Variants in HIPK4 observed in about 807,000 individuals in gnomAD.
HIPK4 encodes homeodomain-interacting protein kinase 4.
HIPK4 carries 26 observed loss-of-function variants against 44.8 expected under a neutral mutation model. The ratio of observed to expected loss-of-function variants is 0.58; its 90% CI spans 0.43 to 0.80. The LOEUF (loss-of-function observed/expected upper bound fraction) is 0.80, where lower values mean the gene tolerates loss of function less well. Ranked by LOEUF, HIPK4 falls within the 30% of genes least tolerant of loss-of-function variation. The pLI is 0.00. For synonymous variants in HIPK4, 340 were observed against 355.5 expected (o/e 0.96, Z 0.49); for missense variants, 729 against 862.6 (o/e 0.85, Z 1.94).
At position 40,380,987 on chromosome 19, in the gene HIPK4, C is replaced by G; in HGVS notation, c.1004G>C (p.Arg335Pro). ...KRMLTWESHERISPSAALRHP... is the reference protein window; with the variant it reads ...KRMLTWESHEPISPSAALRHP... ...GCGCAGGGCAGCACTGGGGCTGATGCGTTCGTGTGACTCCCAGGTCAGCAT... is the reference window on the plus strand; with the variant it reads ...GCGCAGGGCAGCACTGGGGCTGATGGGTTCGTGTGACTCCCAGGTCAGCAT... Residue 335 changes from arginine to proline, a missense_variant, in exon 3 of 4, where the codon CGC (arginine) becomes CCC (proline). By Grantham distance (103) the Arg-to-Pro change is moderately radical (BLOSUM62 -2). This residue lies in a region of HIPK4 where 533 missense variants were observed against 567.5 expected (regional missense o/e 0.94). Transcript: ENST00000291823. The surrounding 1 kb of genome is among the most constrained non-coding windows in gnomAD (Gnocchi z 4.2). 6.2e-7 allele frequency: 1 copy of G among 1,613,020 alleles called. No individual in the cohort carries two copies. The highest frequency in any genetic ancestry group is 8.5e-7 in the Non-Finnish European group (1 of 1,180,008).
Position 40,383,781 on chromosome 19 carries a change from AC to A in HIPK4, c.822+1del. On this transcript the variant is annotated splice_donor_variant, in intron 2 of 3. Transcript: ENST00000291823. LOFTEE classifies it high-confidence loss of function. ...ACTGCCCTCACCCAACTTTTCCCTT[AC>A]CTTCGTCTCGGCCAGGTAGTCAGCC... 6.3e-7 allele frequency: 1 copy of A among 1,597,024 alleles called. No individual in the cohort carries two copies. The highest frequency in any genetic ancestry group is 8.6e-7 in the Non-Finnish European group (1 of 1,168,624).
At chr19:40,379,810 G>T (rs2079321776) in intron 3 of HIPK4, 41 bp from the exon 4 acceptor site, 3 of 1,578,262 alleles carry the variant, frequency 1.9e-6, no homozygotes, top group Non-Finnish European at 1.7e-6. Flanking sequence ...AGCAGTGTTA[G>T]TGTATTAGTG....
At position 40,380,705 on chromosome 19, in the gene HIPK4, A is replaced by G; in HGVS notation, c.1286T>C (p.Leu429Pro). ...AGCCTCCTGCAGACTCAGGTCATCC[A>G]GCTGGTCGATGGCTCTTTGCATACC... Reference protein sequence around the residue: ...APGMQRAIDQLDDLSLQEAGH... With the variant: ...APGMQRAIDQPDDLSLQEAGH... Residue 429 changes from leucine to proline, a missense_variant, in exon 3 of 4, where the codon CTG (leucine) becomes CCG (proline). Coordinates refer to ENST00000291823, the MANE Select transcript of HIPK4 (RefSeq NM_144685.5). This position sits in a 1 kb window ranked among gnomAD's most constrained non-coding sequence, Gnocchi z 4.2. 6.2e-7 allele frequency: 1 copy of G among 1,614,116 alleles called. No individual in the cohort carries two copies. Among genetic ancestry groups the G allele is most frequent in the South Asian group, 1.1e-5 (1 of 91,086 alleles).
rs2079325229 is a variant in HIPK4 at position 40,380,249 on chromosome 19, C to T, written c.1668+74G>A. 5 of 1,524,844 alleles carry T rather than the reference C, an allele frequency of 3.3e-6. No individual in the cohort carries two copies. Among genetic ancestry groups the T allele is most frequent in the Non-Finnish European group, 3.5e-6 (4 of 1,135,990 alleles). 94.5% of individuals were successfully genotyped at this position (1,524,844 alleles called of 1,614,324 possible). A position where few individuals can be genotyped will look rare whatever the true frequency, so the allele number is the denominator to read the frequency against. On this transcript the variant is annotated intron_variant, in intron 3 of 3. Coordinates refer to ENST00000291823, the MANE Select transcript of HIPK4 (RefSeq NM_144685.5). This position sits in a 1 kb window ranked among gnomAD's most constrained non-coding sequence, Gnocchi z 4.2. ...GTGTTGAGCCTCCTCACACACTAAT[C>T]ATATCCTGAGCACGGGTGAGTGTGT...
chr19:40,380,471 A>T lies in HIPK4; in HGVS notation c.1520T>A (p.Leu507Gln). 1 of 1,613,600 alleles carries T rather than the reference A, an allele frequency of 6.2e-7. No homozygotes were observed. Among genetic ancestry groups the T allele is most frequent in the Non-Finnish European group, 8.5e-7 (1 of 1,180,030 alleles). ...GTCATCCTCAGGCGAGACCTGGCTC[A>T]GCCGAATGAGGTTGCTGAAGTTGGA... ...SDSNFSNLIR[L>Q]SQVSPEDDRP... The change falls in exon 3 of 4, where the codon CTG becomes CAG. Residue 507 changes from leucine (L) to glutamine (Q), a missense_variant. Leu to Gln is a moderately radical substitution (Grantham distance 113). Transcript: ENST00000291823. The surrounding 1 kb of genome is among the most constrained non-coding windows in gnomAD (Gnocchi z 4.2).
rs71171565 is a variant in HIPK4, at chr19:40,384,612, G to GTT, written c.466-475_466-474dup. 5.9e-5 allele frequency among the ~76,000 whole-genome samples: 7 copies of GTT among 119,118 alleles called. No homozygotes were observed. The South Asian group carries it at 1.3e-3, about 23-fold the overall frequency. 78.1% of individuals were successfully genotyped at this position (119,118 alleles called of 152,430 possible). A position where few individuals can be genotyped will look rare whatever the true frequency, so the allele number is the denominator to read the frequency against. ...GAGCCACCGCACCCAGCCTTTGTTG[G>GTT]TTTTTTTTTTTTTTTTTGAGACCGA... On this transcript the variant is annotated intron_variant, in intron 1 of 3. Coordinates refer to ENST00000291823, the MANE Select transcript of HIPK4 (RefSeq NM_144685.5).
At chr19:40,386,439 G>A (rs1051517784) in intron 1 of HIPK4, among the ~76,000 whole-genome samples, 3 of 149,090 alleles carry the variant, frequency 2.0e-5, no homozygotes, top group Admixed American at 1.3e-4. Flanking sequence ...CTGTAGCCGC[G>A]AACTCCAGGG....
At chr19:40,384,429 G>C (rs1349064397) in intron 1 of HIPK4, among the ~76,000 whole-genome samples, 1 of 152,052 alleles carries the variant, frequency 6.6e-6, no homozygotes, top group Non-Finnish European at 1.5e-5. Flanking sequence ...TTAGCCTCCT[G>C]AGTAGCTGGG....
chr19:40,388,247 A>C (rs1461302112), intron 1 of HIPK4, among the ~76,000 whole-genome samples: 1 of 151,680 alleles, frequency 6.6e-6, no homozygotes, highest in Non-Finnish European at 1.5e-5. Flanking sequence ...TGAACTCCTG[A>C]CCTCAGGTGA....
chr19:40,384,933 C>G (rs73046355), intron 1 of HIPK4, among the ~76,000 whole-genome samples: 4 of 152,058 alleles, frequency 2.6e-5, no homozygotes, highest in Non-Finnish European at 4.4e-5. Flanking sequence ...TGTTAAGTCC[C>G]TATCTCTGTC....
At chr19:40,385,033 C>T (rs1025816564) in intron 1 of HIPK4, among the ~76,000 whole-genome samples, 8 of 152,206 alleles carry the variant, frequency 5.3e-5, no homozygotes, top group Non-Finnish European at 1.0e-4. Context: ...GGACCCTATT[C>T]TTCCTCTTGC....
intron 2 of HIPK4, among the ~76,000 whole-genome samples, chr19:40,381,573 T>C (rs1188003241): frequency 6.6e-6 from 1 of 152,110 alleles, no homozygotes; most frequent in Non-Finnish European, 1.5e-5. Flanking sequence ...TGTCACCCCC[T>C]GCTATTAAAC....
At chr19:40,381,784 CTTTTTTTTTTT>C (rs55780075) in intron 2 of HIPK4, among the ~76,000 whole-genome samples, 5 of 72,258 alleles carry the variant, frequency 6.9e-5, no homozygotes, top group South Asian at 5.1e-4. Context: ...CACTCAGATC[CTTTTTTTTTTT>C]TTTTTTTTTT....
chr19:40,387,648 T>G (rs2079369226), intron 1 of HIPK4, among the ~76,000 whole-genome samples: 1 of 151,914 alleles, frequency 6.6e-6, no homozygotes, highest in Admixed American at 6.6e-5. Flanking sequence ...CTGGCTAAGT[T>G]TTGTATTTTT....
Position 40,381,131 on chromosome 19 carries a change from G to A in HIPK4, c.860C>T (p.Ser287Leu), listed in dbSNP as rs145519209. ...ATTCACTGTCTCAATCTGGTCCAAC[G>A]ACTTGAGCATATACTTGCGGCGCTC... Reference protein sequence around the residue: ...PLERRKYMLKSLDQIETVNGG... With the variant: ...PLERRKYMLKLLDQIETVNGG... Residue 287 changes from serine to leucine, a missense_variant, in exon 3 of 4, where the codon TCG becomes TTG. This residue lies in a region of HIPK4 where 533 missense variants were observed against 567.5 expected (regional missense o/e 0.94). Coordinates refer to ENST00000291823, the MANE Select transcript of HIPK4 (RefSeq NM_144685.5). The A allele has an allele frequency of 2.5e-6, 4 of 1,605,970 alleles. No homozygotes were observed. Among genetic ancestry groups the A allele is most frequent in the African/African-American group, 1.3e-5 (1 of 75,058 alleles).
At chr19:40,383,578 C>T (rs1469423402) in intron 2 of HIPK4, among the ~76,000 whole-genome samples, 1 of 152,022 alleles carries the variant, frequency 6.6e-6, no homozygotes, top group Admixed American at 6.6e-5. Context: ...CCACCGTGCC[C>T]AGCTGATTTT....
intron 1 of HIPK4, among the ~76,000 whole-genome samples, chr19:40,386,794 T>G (rs989674371): frequency 6.6e-6 from 1 of 152,194 alleles, no homozygotes; most frequent in African/African-American, 2.4e-5. Context: ...AGTGAATGAA[T>G]GAATGTATGT....
rs374915305 is a variant in HIPK4 at position 40,380,605 on chromosome 19, A to C, written c.1386T>G (p.Thr462=). 2.9e-5 allele frequency: 46 copies of C among 1,613,322 alleles called. No homozygotes were observed. The highest frequency in any genetic ancestry group is 3.9e-5 in the Non-Finnish European group (46 of 1,179,944). Reference sequence around the variant, plus strand: ...GGCCCGAGTCGGGCACATGGTGGCCAGTGATGGCTGCCTTGAGGGGGACCA... The same window carrying C: ...GGCCCGAGTCGGGCACATGGTGGCCCGTGATGGCTGCCTTGAGGGGGACCA... ...DMMVPLKAAI[T]GHHVPDSGPE... is the part of the protein sequence containing the mutation. Residue 462 remains threonine, a synonymous_variant, in exon 3 of 4, where the codon ACT becomes ACG. Transcript: ENST00000291823. This position sits in a 1 kb window ranked among gnomAD's most constrained non-coding sequence, Gnocchi z 4.2.
At chr19:40,386,395 C>T (rs1435661798) in intron 1 of HIPK4, among the ~76,000 whole-genome samples, 1 of 152,134 alleles carries the variant, frequency 6.6e-6, no homozygotes, top group Non-Finnish European at 1.5e-5. Context: ...GCTCTATCAC[C>T]CAGGCTGGAG....
Sources: gnomAD v4.1 joint callset for allele counts (sites outside exome capture counted in the v4.1 genomes callset) on GRCh38, gnomAD v4.1.1 for gene constraint, gnomAD v4.1.1 regional missense constraint, Gnocchi (gnomAD v3.1) non-coding constraint, MANE v1.5 for transcripts, NCBI Gene and HGNC (gene_info 2026-07-23, HGNC 2026-07-21) for gene names.